The following LBH variants were observed in gnomAD, a reference collection of about 807,000 sequenced individuals.
LBH encodes protein LBH.
LBH carries 7 observed loss-of-function variants against 12.5 expected under a neutral mutation model. The observed-to-expected ratio is 0.56, with a 90% CI of 0.32 to 1.05. The LOEUF (loss-of-function observed/expected upper bound fraction) is 1.05. Ranked by LOEUF, LBH falls within the 50% of genes least tolerant of loss-of-function variation. The pLI is 0.04. For synonymous variants in LBH, 51 were observed against 50.1 expected, an observed-to-expected ratio of 1.02 and a Z score of -0.08; for missense variants, 119 against 138.9, an observed-to-expected ratio of 0.86 and a Z score of 0.72.
chr2:30,236,976 G>A (rs745752359), intron 2 of LBH, among the ~76,000 whole-genome samples: 2 of 152,146 alleles, frequency 1.3e-5, no homozygotes, highest in African/African-American at 2.4e-5. Context: ...TGACCATTGC[G>A]GTGTGACAGA....
At chr2:30,234,161 G>A (rs1572375296) in intron 1 of LBH, 2 of 508,078 alleles carry the variant, frequency 3.9e-6, no homozygotes, top group Non-Finnish European at 7.1e-6. Context: ...TACAGGAGAG[G>A]AGGGAAGAGG....
At chr2:30,238,417 C>T (rs1401596548) in intron 2 of LBH, among the ~76,000 whole-genome samples, 3 of 152,350 alleles carry the variant, frequency 2.0e-5, no homozygotes, top group South Asian at 2.1e-4. Context: ...AATCAGCACA[C>T]GTCCCTTCCT....
chr2:30,234,438 G>A lies in LBH; in HGVS notation c.60G>A (p.Glu20=), dbSNP rs377433316. ...ATCTGAGATCGGCCAAGATGACTGA[G>A]GTGATGATGAACACCCAGCCCATGG... ...PDYLRSAKMT[E]VMMNTQPMEE... Residue 20 remains glutamate (E), a synonymous_variant, in exon 2 of 3, where the codon GAG becomes GAA. Transcript: ENST00000395323. 5.6e-6 allele frequency: 9 copies of A among 1,614,036 alleles called. No homozygotes were observed. Among genetic ancestry groups the A allele is most frequent in the Middle Eastern group, 1.6e-4 (1 of 6,084 alleles).
chr2:30,240,604 C>A (rs1265880313), intron 2 of LBH, among the ~76,000 whole-genome samples: 1 of 152,238 alleles, frequency 6.6e-6, no homozygotes, highest in Non-Finnish European at 1.5e-5. Flanking sequence ...ATCAGCACAT[C>A]AAATCCTCTG....
intron 2 of LBH, among the ~76,000 whole-genome samples, chr2:30,256,056 T>C (rs1678078482): frequency 6.6e-6 from 1 of 152,158 alleles, no homozygotes; most frequent in Non-Finnish European, 1.5e-5. Flanking sequence ...GAGGCTTCTC[T>C]CTCTAGCTCT....
At chr2:30,239,764 A>G (rs969521307) in intron 2 of LBH, among the ~76,000 whole-genome samples, 3 of 152,198 alleles carry the variant, frequency 2.0e-5, no homozygotes, top group Non-Finnish European at 4.4e-5. Context: ...TCTGAGTGGC[A>G]CTGGGCCCGT....
Position 30,237,862 on chromosome 2 carries a change from T to G in LBH, c.129+3355T>G, listed in dbSNP as rs373776005. Among the ~76,000 whole-genome samples, 61 of 152,278 alleles carry G rather than the reference T, an allele frequency of 4.0e-4. 1 individual carries two copies. In the East Asian group the frequency reaches 7.5e-3, roughly 19 times the overall value. On this transcript the variant is annotated intron_variant, in intron 2 of 2. Transcript: ENST00000395323. The stretch of plus-strand genomic sequence containing the variant: ...CCTGTGGGGTGGGTGAGTAAATGGT[T>G]GCTAGAAAGTCTGAGTACATTTTGG...
At chr2:30,240,544 C>T (rs1420799257) in intron 2 of LBH, among the ~76,000 whole-genome samples, 3 of 152,182 alleles carry the variant, frequency 2.0e-5, no homozygotes, top group African/African-American at 4.8e-5. Flanking sequence ...CCTCTCACCT[C>T]GCCACCTGCC....
intron 2 of LBH, among the ~76,000 whole-genome samples, chr2:30,242,091 A>G (rs79251390): frequency 5.3e-4 from 80 of 152,218 alleles, no homozygotes; most frequent in Non-Finnish European, 8.2e-4. Flanking sequence ...GTAAATATGT[A>G]TATAAAAAGT....
intron 1 of LBH, chr2:30,234,204 G>A: frequency 5.2e-6 from 3 of 572,524 alleles, no homozygotes; most frequent in Non-Finnish European, 9.4e-6. Context: ...AATGGGCTTT[G>A]TCTGTTGCGG....
chr2:30,232,251 G>GCCCCCGC, intron 1 of LBH: 1 of 488,918 alleles, frequency 2.0e-6, no homozygotes, highest in Non-Finnish European at 3.7e-6. Flanking sequence ...TGGGGGGCGG[G>GCCCCCGC]AAACGCTCTC....
chr2:30,239,746 T>A (rs1293076326), intron 2 of LBH, among the ~76,000 whole-genome samples: 2 of 152,178 alleles, frequency 1.3e-5, no homozygotes, highest in Non-Finnish European at 2.9e-5. Context: ...GCACAAGTAA[T>A]GTGTTTCTCT....
chr2:30,251,468 A>C (rs1677976936), intron 2 of LBH, among the ~76,000 whole-genome samples: 1 of 152,022 alleles, frequency 6.6e-6, no homozygotes, highest in African/African-American at 2.4e-5. Context: ...GGAGGCCACC[A>C]GGCAAAGGAT....
chr2:30,231,765 G>T lies in LBH; in HGVS notation c.26+1G>T. The T allele has an allele frequency of 6.4e-7, 1 of 1,570,274 alleles. No homozygotes were observed. The highest frequency in any genetic ancestry group is 8.6e-7 in the Non-Finnish European group (1 of 1,160,178). On this transcript the variant is annotated splice_donor_variant, in intron 1 of 2. Coordinates refer to ENST00000395323, the MANE Select transcript of LBH (RefSeq NM_030915.4). LOFTEE classifies it high-confidence loss of function. ...TGTCTATATATTTCCCCATTCACTG[G>T]TGAGTACCCTGCGCCTGCGGCGGGC...
intron 2 of LBH, among the ~76,000 whole-genome samples, chr2:30,238,356 T>C (rs1178974689): frequency 6.6e-6 from 1 of 152,244 alleles, no homozygotes; most frequent in East Asian, 1.9e-4. Flanking sequence ...CTAAAGCACC[T>C]GGACCAAGGT....
intron 2 of LBH, among the ~76,000 whole-genome samples, chr2:30,255,667 G>A (rs1678071743): frequency 2.0e-5 from 3 of 152,172 alleles, no homozygotes; most frequent in Admixed American, 6.5e-5. Context: ...GACTTGGCTG[G>A]GGCAGCACTG....
intron 2 of LBH, among the ~76,000 whole-genome samples, chr2:30,242,363 C>T (rs548269799): frequency 4.3e-4 from 66 of 152,154 alleles, no homozygotes; most frequent in Non-Finnish European, 9.0e-4. Context: ...CCTGCCTCAG[C>T]CTCCCAAGTA....
Position 30,252,657 on chromosome 2 carries a change from G to A in LBH, c.130-4776G>A, listed in dbSNP as rs565158923. On this transcript the variant is annotated intron_variant, in intron 2 of 2. Transcript: ENST00000395323. ...AGCCTGGGTGACAGAGCGAGACTCC[G>A]TCTCAAAAAAAAAAAAAACCTCTTT... Among the ~76,000 whole-genome samples, 15 of 149,964 alleles carry A rather than the reference G, an allele frequency of 1.0e-4. No homozygotes were observed. In the East Asian group the frequency reaches 2.1e-3, roughly 21 times the overall value.
chr2:30,237,683 C>T (rs766919592), intron 2 of LBH, among the ~76,000 whole-genome samples: 1 of 152,148 alleles, frequency 6.6e-6, no homozygotes, highest in Non-Finnish European at 1.5e-5. Flanking sequence ...CTTTTAATCC[C>T]CTGAAAGATT....
Sources: gnomAD v4.1 joint callset for allele counts (sites outside exome capture counted in the v4.1 genomes callset) on GRCh38, gnomAD v4.1.1 for gene constraint, MANE v1.5 for transcripts, NCBI Gene and HGNC (gene_info 2026-07-23, HGNC 2026-07-21) for gene names.